Variants in FERMT2 observed in about 807,000 individuals in gnomAD.
The protein encoded by FERMT2 is fermitin family homolog 2.
A neutral mutation model predicts 82.7 loss-of-function variants in FERMT2; 15 were observed. That is an observed-to-expected ratio of 0.18 (90% CI 0.12 to 0.28). The LOEUF (loss-of-function observed/expected upper bound fraction) is 0.28, where lower values mean the gene tolerates loss of function less well. Ranked by LOEUF, FERMT2 falls within the 10% of genes least tolerant of loss-of-function variation. The pLI is 1.00. For missense variants in FERMT2, 645 were observed against 809.4 expected, an observed-to-expected ratio of 0.80 and a Z score of 2.46; for synonymous variants, 274 against 271.5, an observed-to-expected ratio of 1.01 and a Z score of -0.09.
At chr14:52,896,225 T>C (rs1193624033) in intron 3 of FERMT2, among the ~76,000 whole-genome samples, 2 of 152,234 alleles carry the variant, frequency 1.3e-5, no homozygotes, top group Admixed American at 6.5e-5. Flanking sequence ...TGTATCACAA[T>C]GTCTGGCAGC....
chr14:52,909,760 T>C (rs752427277), intron 3 of FERMT2, among the ~76,000 whole-genome samples: 1 of 151,640 alleles, frequency 6.6e-6, no homozygotes, highest in Non-Finnish European at 1.5e-5. Flanking sequence ...TGATCCTTCA[T>C]TTCCTTTTCA....
At chr14:52,904,023 T>C (rs995964093) in intron 3 of FERMT2, among the ~76,000 whole-genome samples, 1 of 152,224 alleles carries the variant, frequency 6.6e-6, no homozygotes, top group African/African-American at 2.4e-5. Flanking sequence ...AAATATATGT[T>C]GCAAAAGCAG....
intron 1 of FERMT2, 57 bp from the exon 2 acceptor site, chr14:52,950,634 T>C: frequency 6.4e-7 from 1 of 1,553,200 alleles, no homozygotes; most frequent in East Asian, 2.3e-5. Context: ...GAAAGGCGAA[T>C]CCCACCGAAT....
At chr14:52,861,035 C>CT in intron 12 of FERMT2, 1 of 1,505,500 alleles carries the variant, frequency 6.6e-7, no homozygotes, top group South Asian at 1.4e-5. Flanking sequence ...TATAGCCTGG[C>CT]TGTAGATGGC....
chr14:52,909,696 G>A (rs890257579), intron 3 of FERMT2, among the ~76,000 whole-genome samples: 23 of 152,268 alleles, frequency 1.5e-4, no homozygotes, highest in African/African-American at 5.5e-4. Context: ...GCTGTGGCAG[G>A]AGAACTGCTT....
rs139423085 is a variant in FERMT2 at position 52,950,503 on chromosome 14, G to A, written c.66C>T (p.Val22=). 6.2e-7 allele frequency: 1 copy of A among 1,614,124 alleles called. No homozygotes were observed. The highest frequency in any genetic ancestry group is 2.2e-5 in the East Asian group (1 of 44,868). ...CYADGTWELS[V]HVTDLNRDVT... is the part of the protein sequence containing the mutation. ...CATCGCGGTTCAGGTCCGTCACATG[G>A]ACACTCAGTTCCCACGTCCCGTCCG... Residue 22 remains valine (V), a synonymous_variant, in exon 2 of 15, where the codon GTC becomes GTT. Transcript: ENST00000341590.
intron 2 of FERMT2, chr14:52,948,545 C>CAT: frequency 2.2e-6 from 1 of 455,288 alleles, no homozygotes; most frequent in Non-Finnish European, 4.4e-6. Context: ...GGTTTCCATA[C>CAT]GCACAGCATT....
chr14:52,942,886 T>A (rs1890158626), intron 2 of FERMT2, among the ~76,000 whole-genome samples: 1 of 152,108 alleles, frequency 6.6e-6, no homozygotes, highest in Non-Finnish European at 1.5e-5. Context: ...AACTAAATTT[T>A]AAAAATAAAG....
chr14:52,872,770 C>T lies in FERMT2; in HGVS notation c.1273+29G>A, dbSNP rs754360624. The T allele has an allele frequency of 2.5e-6, 4 of 1,610,980 alleles. No homozygotes were observed. The South Asian group carries it at 3.3e-5, about 13-fold the overall frequency. ...ATTAGGCCAATGGGGATGCCACCAT[C>T]AACAACAGCCGTGCCAGGCTCTCCT... On this transcript the variant is annotated intron_variant, in intron 10 of 14. Transcript: ENST00000341590.
Position 52,892,173 on chromosome 14 carries a change from T to TTG in FERMT2, c.526+1119_526+1120insCA, listed in dbSNP as rs951219169. Reference sequence around the variant, plus strand: ...GAGAGAAGGCTGTTTTTTGTTTTTTTTTTTTTTTTTTTTTGAGACGGAGTT... The same window carrying TTG: ...GAGAGAAGGCTGTTTTTTGTTTTTTTTGTTTTTTTTTTTTTTGAGACGGAGTT... On this transcript the variant is annotated intron_variant, in intron 4 of 14. Transcript: ENST00000341590. Among the ~76,000 whole-genome samples, 11 of 15,210 alleles carry TTG rather than the reference T, an allele frequency of 7.2e-4. No homozygotes were observed. The Admixed American group carries it at 7.5e-3, about 10-fold the overall frequency. The allele number at this position is 15,210 out of a possible 152,430, so 10.0% of individuals were successfully genotyped here.
rs3068969 is a variant in FERMT2 at position 52,892,456 on chromosome 14, G to GTTTTTTGTTTTTTTT, written c.526+836_526+837insAAAAAAAACAAAAAA. ...AGTACCCCGCCTGGTGCTGTTTTTT[G>GTTTTTTGTTTTTTTT]TTTTTTTTTTTTTTTGAGATGGAGT... is the stretch of plus-strand genomic sequence containing the variant. On this transcript the variant is annotated intron_variant, in intron 4 of 14. Coordinates refer to ENST00000341590, the MANE Select transcript of FERMT2 (RefSeq NM_006832.3). 1.4e-4 allele frequency among the ~76,000 whole-genome samples: 18 copies of GTTTTTTGTTTTTTTT among 133,312 alleles called. 2 individuals carry two copies. The highest frequency in any genetic ancestry group is 8.8e-4 in the East Asian group (4 of 4,536). 87.5% of individuals were successfully genotyped at this position (133,312 alleles called of 152,430 possible).
At chr14:52,872,425 T>TG (rs950224455) in intron 10 of FERMT2, among the ~76,000 whole-genome samples, 5 of 152,192 alleles carry the variant, frequency 3.3e-5, no homozygotes, top group African/African-American at 1.2e-4. Flanking sequence ...TCCCAGCTAG[T>TG]GGGGAGACTG....
chr14:52,861,060 A>T, intron 12 of FERMT2: 1 of 1,504,634 alleles, frequency 6.6e-7, no homozygotes, highest in Non-Finnish European at 8.8e-7. Flanking sequence ...CGAGGAAAGA[A>T]AAAGGAAGCA....
At chr14:52,864,301 T>C in intron 12 of FERMT2, 100 bp downstream of exon 12, 1 of 760,686 alleles carries the variant, frequency 1.3e-6, no homozygotes, top group Non-Finnish European at 2.2e-6. Flanking sequence ...TGATACAAAA[T>C]TAAGACTAAA....
intron 3 of FERMT2, among the ~76,000 whole-genome samples, chr14:52,910,140 C>T (rs527246910): frequency 6.6e-6 from 1 of 152,268 alleles, no homozygotes; most frequent in East Asian, 1.9e-4. Context: ...TCCTTATGTA[C>T]AGCTTAATTT....
chr14:52,882,159 G>T (rs1886336542), intron 4 of FERMT2, among the ~76,000 whole-genome samples: 1 of 152,042 alleles, frequency 6.6e-6, no homozygotes, highest in South Asian at 2.1e-4. Flanking sequence ...TATAGATTAA[G>T]AATAATTTTA....
At chr14:52,921,814 G>A (rs376704194) in intron 2 of FERMT2, among the ~76,000 whole-genome samples, 4 of 152,074 alleles carry the variant, frequency 2.6e-5, no homozygotes, top group East Asian at 1.9e-4. Flanking sequence ...ATGCTCAACC[G>A]GTTAAGTACA....
chr14:52,940,555 A>G (rs1048251665), intron 2 of FERMT2, among the ~76,000 whole-genome samples: 1 of 152,216 alleles, frequency 6.6e-6, no homozygotes, highest in African/African-American at 2.4e-5. Context: ...AGACATTCAG[A>G]TATCTTCAGA....
intron 1 of FERMT2, 21 bp from the exon 2 acceptor site, chr14:52,950,598 G>A (rs1402131750): frequency 1.2e-6 from 2 of 1,609,396 alleles, no homozygotes; most frequent in East Asian, 2.2e-5. Flanking sequence ...GGAGGAAATG[G>A]CTCTCGTAAG....
Sources: allele counts gnomAD v4.1 joint callset (sites outside exome capture counted in the v4.1 genomes callset), GRCh38; gene constraint gnomAD v4.1.1; transcripts MANE v1.5; gene names NCBI Gene and HGNC (gene_info 2026-07-23, HGNC 2026-07-21).